Variants in AK5 observed in about 807,000 individuals in gnomAD.
AK5 encodes adenylate kinase 5.
Under a neutral mutation model 69.5 loss-of-function variants are expected in AK5, and 27 were observed. The observed-to-expected ratio is 0.39, with a 90% CI of 0.29 to 0.54. AK5 has a LOEUF of 0.54. Ranked by LOEUF, AK5 falls within the 20% of genes least tolerant of loss-of-function variation. The pLI is 0.71. For synonymous variants in AK5, 260 were observed against 244.4 expected, an observed-to-expected ratio of 1.06 and a Z score of -0.60; for missense variants, 531 against 700.4, an observed-to-expected ratio of 0.76 and a Z score of 2.73.
At chr1:77,501,999 A>G (rs747438552) in intron 10 of AK5, among the ~76,000 whole-genome samples, 2 of 152,242 alleles carry the variant, frequency 1.3e-5, no homozygotes, top group Non-Finnish European at 1.5e-5. Flanking sequence ...TCACTGACAG[A>G]TAACTATCTA....
At chr1:77,431,798 C>T (rs887551001) in intron 8 of AK5, among the ~76,000 whole-genome samples, 4 of 151,946 alleles carry the variant, frequency 2.6e-5, no homozygotes, top group Non-Finnish European at 4.4e-5. Context: ...TGTGTGTATT[C>T]AGGGAGGTAA....
intron 10 of AK5, among the ~76,000 whole-genome samples, chr1:77,514,330 C>A (rs546569207): frequency 2.6e-5 from 4 of 152,250 alleles, no homozygotes; most frequent in Non-Finnish European, 5.9e-5. Context: ...CGTCTTGCCA[C>A]CAGAGGACAC....
intron 5 of AK5, chr1:77,313,976 A>G (rs1383911367): frequency 2.2e-6 from 1 of 460,288 alleles, no homozygotes; most frequent in Non-Finnish European, 4.5e-6. Flanking sequence ...AGAGCTGGCT[A>G]TTTGCTTGAT....
At chr1:77,554,862 C>A (rs1011722225) in intron 13 of AK5, among the ~76,000 whole-genome samples, 22 of 151,752 alleles carry the variant, frequency 1.4e-4, no homozygotes, top group Admixed American at 7.2e-4. Context: ...GTGATCCACC[C>A]GCCTTGGCCT....
intron 10 of AK5, among the ~76,000 whole-genome samples, chr1:77,488,640 A>T (rs1452467624): frequency 2.0e-5 from 3 of 152,226 alleles, no homozygotes; most frequent in Non-Finnish European, 2.9e-5. Context: ...AGCCAGTCCG[A>T]GTCGCAAAAC....
intron 5 of AK5, among the ~76,000 whole-genome samples, chr1:77,320,667 T>G (rs1660483657): frequency 6.6e-6 from 1 of 152,126 alleles, no homozygotes; most frequent in Admixed American, 6.5e-5. Flanking sequence ...GAGAATTGCT[T>G]GAATCCGAGA....
chr1:77,425,311 C>T (rs775978412), intron 8 of AK5, among the ~76,000 whole-genome samples: 29 of 152,150 alleles, frequency 1.9e-4, no homozygotes, highest in Admixed American at 3.3e-4. Context: ...TAGAGCCAGG[C>T]ATGGTGGCTC....
intron 13 of AK5, among the ~76,000 whole-genome samples, chr1:77,545,127 C>T (rs1659474753): frequency 6.6e-6 from 1 of 152,294 alleles, no homozygotes; most frequent in South Asian, 2.1e-4. Flanking sequence ...CCCACACGCC[C>T]GCAATTAACA....
chr1:77,435,278 T>C (rs1279888701), intron 8 of AK5, among the ~76,000 whole-genome samples: 1 of 152,136 alleles, frequency 6.6e-6, no homozygotes, highest in Admixed American at 6.5e-5. Context: ...AGAGGAAAAC[T>C]TTACCTCAAG....
intron 8 of AK5, among the ~76,000 whole-genome samples, chr1:77,425,571 A>T (rs1467129445): frequency 1.3e-5 from 2 of 152,172 alleles, no homozygotes. Flanking sequence ...TGGGTGATAG[A>T]GCAAGACTCT....
At chr1:77,412,666 C>G (rs1650123757) in intron 7 of AK5, among the ~76,000 whole-genome samples, 1 of 152,138 alleles carries the variant, frequency 6.6e-6, no homozygotes, top group Non-Finnish European at 1.5e-5. Context: ...ATAAATAAGT[C>G]ATATCCATGG....
chr1:77,515,960 G>A lies in AK5; in HGVS notation c.1148-2604G>A, dbSNP rs6699130. 6.1e-3 allele frequency among the ~76,000 whole-genome samples: 922 copies of A among 152,238 alleles called. 16 individuals carry two copies. Among genetic ancestry groups the A allele is most frequent in the African/African-American group, 0.021 (868 of 41,538 alleles). On this transcript the variant is annotated intron_variant, in intron 10 of 13. Transcript: ENST00000354567. ...ACCCGTAGTCCCAGCTAACTCAAGA[G>A]GCCAAGGCAAGAGGATTGCTTCAGC...
At chr1:77,509,373 A>G (rs902368630) in intron 10 of AK5, among the ~76,000 whole-genome samples, 2 of 152,172 alleles carry the variant, frequency 1.3e-5, no homozygotes, top group Non-Finnish European at 2.9e-5. Context: ...ATTTATCTCA[A>G]TTGTTTTCGG....
intron 3 of AK5, among the ~76,000 whole-genome samples, chr1:77,295,070 A>G (rs1023556562): frequency 2.6e-5 from 4 of 152,220 alleles, no homozygotes; most frequent in Admixed American, 2.0e-4. Context: ...CTCAAAATCT[A>G]TAACAATCAT....
intron 6 of AK5, among the ~76,000 whole-genome samples, chr1:77,343,659 T>G (rs993934750): frequency 1.3e-5 from 2 of 152,176 alleles, no homozygotes; most frequent in Non-Finnish European, 2.9e-5. Context: ...GCCTTACCTG[T>G]AAAATAGGTA....
chr1:77,367,788 T>TATATATAATATATA (rs1491156565), intron 6 of AK5, among the ~76,000 whole-genome samples: 1 of 8,386 alleles, frequency 1.2e-4, no homozygotes, highest in South Asian at 9.1e-3. Flanking sequence ...TAATATATGT[T>TATATATAATATATA]ATATATGTTA....
At chr1:77,412,057 T>A (rs1468707239) in intron 7 of AK5, among the ~76,000 whole-genome samples, 1 of 152,240 alleles carries the variant, frequency 6.6e-6, no homozygotes, top group African/African-American at 2.4e-5. Context: ...CAAGTTAATA[T>A]TTTATTTAGA....
intron 8 of AK5, among the ~76,000 whole-genome samples, chr1:77,449,647 CAA>C (rs1464986636): frequency 1.3e-5 from 2 of 152,006 alleles, no homozygotes; most frequent in Non-Finnish European, 2.9e-5. Context: ...TGGGAGGGGC[CAA>C]GAGTGTAATG....
intron 12 of AK5, among the ~76,000 whole-genome samples, chr1:77,523,767 G>C (rs930916281): frequency 1.3e-5 from 2 of 152,086 alleles, no homozygotes; most frequent in Non-Finnish European, 1.5e-5. Flanking sequence ...CAACCTCAAG[G>C]CCCAAGCAAT....
Sources: gnomAD v4.1 joint callset for allele counts (sites outside exome capture counted in the v4.1 genomes callset) on GRCh38, gnomAD v4.1.1 for gene constraint, MANE v1.5 for transcripts, NCBI Gene and HGNC (gene_info 2026-07-23, HGNC 2026-07-21) for gene names.